IGLL5: variants seen among roughly 807,000 people sequenced by gnomAD.
IGLL5 encodes immunoglobulin lambda-like polypeptide 5.
IGLL5 carries 30 observed loss-of-function variants against 20.9 expected under a neutral mutation model. The ratio of observed to expected loss-of-function variants is 1.44; its 90% CI spans 1.07 to 1.95. The LOEUF (loss-of-function observed/expected upper bound fraction) is 1.95, where lower values mean the gene tolerates loss of function less well. Ranked by LOEUF, IGLL5 falls within the 30% of genes most tolerant of loss-of-function variation. The pLI is 0.00. For synonymous variants in IGLL5, 203 were observed against 117.3 expected (o/e 1.73, Z -4.72); for missense variants, 475 against 270.7 (o/e 1.75, Z -5.30).
chr22:22,894,029 C>T (rs1368979797), intron 2 of IGLL5, among the ~76,000 whole-genome samples: 4 of 151,506 alleles, frequency 2.6e-5, no homozygotes, highest in Middle Eastern at 3.7e-3. Context: ...CAGCCTGGTC[C>T]CGGGGCCTGA....
chr22:22,888,323 A>T (rs187445329), intron 1 of IGLL5, 64 bp downstream of exon 1: 3 of 1,468,822 alleles, frequency 2.0e-6, no homozygotes, highest in Admixed American at 2.0e-5. Flanking sequence ...AGGGTGACCA[A>T]GGGGAGACAA....
In IGLL5 at chr22:22,895,680, A is replaced by G. The variant is rs28477498; in HGVS notation, c.631A>G (p.Thr211Ala). 0.02 allele frequency: 32,684 copies of G among 1,611,984 alleles called. 610 individuals carry two copies. Among genetic ancestry groups the G allele is most frequent in the African/African-American group, 0.074 (5,563 of 74,800 alleles). The change falls in exon 3 of 3, where the codon ACA becomes GCA. Residue 211 changes from threonine to alanine, a missense_variant. Thr to Ala is a moderately conservative substitution (Grantham distance 58). Transcript: ENST00000526893. The part of the protein sequence containing the change: ...GSTVEKTVAP[T>A]ECS ...CACCGTGGAGAAGACAGTGGCCCCT[A>G]CAGAATGTTCATAGGTTCCCAACTC...
intron 1 of IGLL5, 130 bp downstream of exon 1, chr22:22,888,389 C>G (rs549678105): frequency 1.4e-5 from 10 of 718,002 alleles, no homozygotes; most frequent in East Asian, 5.5e-5. Context: ...CTGACACTGG[C>G]TTTAGTAATG....
chr22:22,890,158 T>A (rs2146004397), intron 1 of IGLL5, among the ~76,000 whole-genome samples: 1 of 147,768 alleles, frequency 6.8e-6, no homozygotes, highest in African/African-American at 2.6e-5. Context: ...TTACTCTTTT[T>A]TCTTGCCAAA....
At chr22:22,888,976 T>C (rs193207210) in intron 1 of IGLL5, among the ~76,000 whole-genome samples, 1 of 151,286 alleles carries the variant, frequency 6.6e-6, no homozygotes, top group Non-Finnish European at 1.5e-5. Context: ...GAGCACAGGA[T>C]GAGGCTGGGA....
intron 2 of IGLL5, among the ~76,000 whole-genome samples, chr22:22,894,164 G>A (rs1216915399): frequency 4.0e-5 from 6 of 151,462 alleles, no homozygotes; most frequent in East Asian, 4.0e-4. Flanking sequence ...TGACTCCTGG[G>A]GTCAAGGACA....
intron 1 of IGLL5, among the ~76,000 whole-genome samples, 174 bp from the exon 2 acceptor site, chr22:22,893,526 C>T (rs1601619592): frequency 6.6e-6 from 1 of 151,224 alleles, no homozygotes; most frequent in African/African-American, 2.4e-5. Context: ...GTCATCAGCA[C>T]CGACAGCCTC....
intron 1 of IGLL5, among the ~76,000 whole-genome samples, chr22:22,889,617 T>C (rs183441015): frequency 2.0e-5 from 3 of 151,372 alleles, no homozygotes; most frequent in Admixed American, 1.3e-4. Flanking sequence ...TGAAACAGTC[T>C]TGATCTGTTG....
intron 1 of IGLL5, among the ~76,000 whole-genome samples, chr22:22,888,605 C>A (rs2067621546): frequency 1.3e-5 from 2 of 151,282 alleles, no homozygotes; most frequent in Non-Finnish European, 2.9e-5. Context: ...GCCACTGTCC[C>A]CACAGGGTGC....
rs767467176 is a variant in IGLL5, at chr22:22,888,202, CAGACCCT to C, written c.150_156del (p.Asp51GlufsTer56). ...ATGGTTGCACCGCAAAGCGGGGACC[CAGACCCT>C]GGAGCCTCAGTTGGAAGCAGCCGAT... is the stretch of plus-strand genomic sequence containing the variant. On this transcript the variant is annotated frameshift_variant, in exon 1 of 3. Coordinates refer to ENST00000526893, the MANE Select transcript of IGLL5 (RefSeq NM_001178126.2). LOFTEE classifies it high-confidence loss of function. 1 of 1,548,694 alleles carries C rather than the reference CAGACCCT, an allele frequency of 6.5e-7. No individual in the cohort carries two copies.
intron 1 of IGLL5, among the ~76,000 whole-genome samples, chr22:22,892,791 T>C (rs1295945658): frequency 6.6e-6 from 1 of 150,498 alleles, no homozygotes; most frequent in Non-Finnish European, 1.5e-5. Context: ...GCAGAGAAAA[T>C]TAGGAGACTA....
In IGLL5 at chr22:22,888,182, T is replaced by A. The variant is rs1162059724; in HGVS notation, c.129T>A (p.Val43=). 2.6e-6 allele frequency: 4 copies of A among 1,548,918 alleles called. No individual in the cohort carries two copies. Among genetic ancestry groups the A allele is most frequent in the Admixed American group, 2.0e-5 (1 of 50,786 alleles). The part of the protein sequence containing the change: ...MVAHGLLRPM[V]APQSGDPDPG... ...CCCATGGCCTGCTGCGCCCAATGGT[T>A]GCACCGCAAAGCGGGGACCCAGACC... The change falls in exon 1 of 3, where the codon GTT becomes GTA. Residue 43 remains valine (V), a synonymous_variant. Transcript: ENST00000526893.
chr22:22,889,869 T>A (rs554199538), intron 1 of IGLL5, among the ~76,000 whole-genome samples: 4 of 151,400 alleles, frequency 2.6e-5, no homozygotes, highest in African/African-American at 7.3e-5. Context: ...GTGCTGGAAT[T>A]ACAGGCGTGA....
chr22:22,891,734 T>A (rs1176380025), intron 1 of IGLL5, among the ~76,000 whole-genome samples: 1 of 151,358 alleles, frequency 6.6e-6, no homozygotes, highest in Non-Finnish European at 1.5e-5. Flanking sequence ...TTTTTATTCA[T>A]AAAGGGTTTG....
Position 22,888,189 on chromosome 22 carries a change from C to G in IGLL5, c.136C>G (p.Gln46Glu), listed in dbSNP as rs1292257351. 6.5e-7 allele frequency: 1 copy of G among 1,548,862 alleles called. No individual in the cohort carries two copies. The highest frequency in any genetic ancestry group is 1.4e-5 in the African/African-American group (1 of 72,890). ...HGLLRPMVAP[Q>E]SGDPDPGASV... Reference sequence around the variant, plus strand: ...CCTGCTGCGCCCAATGGTTGCACCGCAAAGCGGGGACCCAGACCCTGGAGC... The same window carrying G: ...CCTGCTGCGCCCAATGGTTGCACCGGAAAGCGGGGACCCAGACCCTGGAGC... Residue 46 changes from glutamine (Q) to glutamate (E), a missense_variant, in exon 1 of 3, where the codon CAA becomes GAA. Coordinates refer to ENST00000526893, the MANE Select transcript of IGLL5 (RefSeq NM_001178126.2).
intron 1 of IGLL5, among the ~76,000 whole-genome samples, chr22:22,891,047 C>T (rs62218844): frequency 8.0e-5 from 12 of 150,826 alleles, no homozygotes; most frequent in East Asian, 2.0e-4. Context: ...GTCTGTTTTA[C>T]GGGTCTTTTG....
intron 1 of IGLL5, among the ~76,000 whole-genome samples, 186 bp downstream of exon 1, chr22:22,888,445 A>T (rs142715950): frequency 2.6e-5 from 4 of 151,396 alleles, no homozygotes; most frequent in Admixed American, 6.6e-5. Context: ...TACTGTTTTT[A>T]ATATCATATT....
chr22:22,888,809 C>A (rs138611643), intron 1 of IGLL5, among the ~76,000 whole-genome samples: 2 of 151,350 alleles, frequency 1.3e-5, no homozygotes, highest in Admixed American at 6.6e-5. Context: ...CCGAGGGGAG[C>A]TGTCCAGTCA....
chr22:22,888,538 A>T (rs551918336), intron 1 of IGLL5, among the ~76,000 whole-genome samples: 4 of 151,372 alleles, frequency 2.6e-5, no homozygotes, highest in South Asian at 2.1e-4. Context: ...ACCTAGTCCT[A>T]GTCCTCTGGG....
Sources: allele counts gnomAD v4.1 joint callset (sites outside exome capture counted in the v4.1 genomes callset), GRCh38; gene constraint gnomAD v4.1.1; transcripts MANE v1.5; gene names NCBI Gene and HGNC (gene_info 2026-07-23, HGNC 2026-07-21).